Variants in CNTNAP2 observed in about 807,000 individuals in gnomAD.
CNTNAP2 encodes contactin-associated protein-like 2.
Under a neutral mutation model 155.2 loss-of-function variants are expected in CNTNAP2, and 98 were observed. The observed-to-expected ratio is 0.63, with a 90% confidence interval of 0.54 to 0.75. The LOEUF (loss-of-function observed/expected upper bound fraction) is 0.75. Among genes scored for constraint, CNTNAP2 ranks in the 30% least tolerant of loss-of-function variants. The pLI, the probability that CNTNAP2 is intolerant of heterozygous loss-of-function variation, is 0.00. For missense variants in CNTNAP2, 1,727 were observed against 1,688.1 expected (o/e 1.02, Z -0.40); for synonymous variants, 651 against 631.2 (o/e 1.03, Z -0.47).
chr7:146,317,438 G>GT (rs1434202255), intron 1 of CNTNAP2, among the ~76,000 whole-genome samples: 4 of 152,188 alleles, frequency 2.6e-5, no homozygotes, highest in Admixed American at 6.5e-5. Flanking sequence ...ACCTGAGAGT[G>GT]TTTTTTCCTT....
intron 18 of CNTNAP2, among the ~76,000 whole-genome samples, chr7:148,173,927 A>C (rs1794880921): frequency 6.6e-6 from 1 of 152,186 alleles, no homozygotes; most frequent in African/African-American, 2.4e-5. Flanking sequence ...ATTTTTGGAG[A>C]GTTAGGTTAA....
chr7:148,038,311 G>A (rs1457011371), intron 15 of CNTNAP2, among the ~76,000 whole-genome samples: 1 of 152,158 alleles, frequency 6.6e-6, no homozygotes, highest in East Asian at 1.9e-4. Flanking sequence ...CTTGAACGCT[G>A]TATGCATTTC....
At chr7:146,602,744 G>T (rs998029553) in intron 1 of CNTNAP2, among the ~76,000 whole-genome samples, 1 of 152,136 alleles carries the variant, frequency 6.6e-6, no homozygotes, top group African/African-American at 2.4e-5. Flanking sequence ...GTTGTGCTAG[G>T]AGTCTCCTTC....
chr7:148,179,774 G>A (rs4236490), intron 18 of CNTNAP2, among the ~76,000 whole-genome samples: 56,662 of 151,750 alleles, frequency 0.37, 11,413 homozygotes, highest in East Asian at 0.45. Context: ...CAGAGAAAGA[G>A]AAGAAAAGAA....
chr7:147,716,874 T>C (rs1338007991), intron 13 of CNTNAP2, among the ~76,000 whole-genome samples: 1 of 152,170 alleles, frequency 6.6e-6, no homozygotes, highest in South Asian at 2.1e-4. Flanking sequence ...ATTTTTTAGA[T>C]ATCAAAGTAG....
At chr7:148,247,678 G>C (rs1796296771) in intron 20 of CNTNAP2, among the ~76,000 whole-genome samples, 1 of 137,824 alleles carries the variant, frequency 7.3e-6, no homozygotes, top group Non-Finnish European at 1.6e-5. Flanking sequence ...TTTGGAGATA[G>C]AGTCCCACTC....
intron 1 of CNTNAP2, among the ~76,000 whole-genome samples, chr7:146,762,443 A>G (rs1209658211): frequency 6.6e-6 from 1 of 152,054 alleles, no homozygotes; most frequent in African/African-American, 2.4e-5. Context: ...TACTAAGAAT[A>G]CAAAAATTAG....
intron 13 of CNTNAP2, among the ~76,000 whole-genome samples, chr7:147,642,299 C>T (rs62480721): frequency 1.3e-5 from 2 of 152,068 alleles, no homozygotes; most frequent in Non-Finnish European, 2.9e-5. Context: ...TTGTATTAAA[C>T]TCCAAAGTCA....
At chr7:146,981,415 C>T (rs1798014704) in intron 3 of CNTNAP2, among the ~76,000 whole-genome samples, 3 of 152,104 alleles carry the variant, frequency 2.0e-5, no homozygotes, top group African/African-American at 4.8e-5. Context: ...TACATTTTGC[C>T]ATTTTCAGAA....
At chr7:147,861,751 C>T (rs1312470003) in intron 13 of CNTNAP2, among the ~76,000 whole-genome samples, 1 of 152,090 alleles carries the variant, frequency 6.6e-6, no homozygotes, top group Non-Finnish European at 1.5e-5. Context: ...TGTGGTGGCT[C>T]ATGGCTGTAA....
chr7:146,829,540 A>G (rs1416963051), intron 2 of CNTNAP2, among the ~76,000 whole-genome samples: 1 of 152,146 alleles, frequency 6.6e-6, no homozygotes, highest in Non-Finnish European at 1.5e-5. Context: ...AGACAAATGC[A>G]ACTGACAATG....
intron 2 of CNTNAP2, among the ~76,000 whole-genome samples, chr7:146,826,063 G>C (rs1803394303): frequency 6.6e-6 from 1 of 151,974 alleles, no homozygotes; most frequent in Non-Finnish European, 1.5e-5. Context: ...TTAGAGCTGA[G>C]CCTCTGCCCC....
intron 1 of CNTNAP2, among the ~76,000 whole-genome samples, chr7:146,695,826 A>C (rs1374044485): frequency 1.3e-5 from 2 of 152,194 alleles, no homozygotes; most frequent in Non-Finnish European, 2.9e-5. Context: ...TAATTAACAT[A>C]TATATTACCT....
intron 19 of CNTNAP2, 84 bp downstream of exon 19, chr7:148,217,608 TTTG>T: frequency 6.9e-7 from 1 of 1,452,790 alleles, no homozygotes; most frequent in Non-Finnish European, 9.7e-7. Context: ...TTGTTCTTGG[TTTG>T]TTATTTATTC....
chr7:147,716,724 A>C (rs1380011823), intron 13 of CNTNAP2, among the ~76,000 whole-genome samples: 1 of 152,130 alleles, frequency 6.6e-6, no homozygotes. Context: ...TGTCAGGAAA[A>C]GAATAATTTC....
At chr7:147,290,417 C>T (rs973939275) in intron 8 of CNTNAP2, among the ~76,000 whole-genome samples, 3 of 152,194 alleles carry the variant, frequency 2.0e-5, no homozygotes, top group African/African-American at 4.8e-5. Flanking sequence ...TGCAGTGGCT[C>T]ACTCCTGTAA....
chr7:147,594,524 C>G (rs1254973885), intron 12 of CNTNAP2, among the ~76,000 whole-genome samples: 1 of 152,176 alleles, frequency 6.6e-6, no homozygotes, highest in Non-Finnish European at 1.5e-5. Flanking sequence ...ATAAAGATTT[C>G]TAAGTCATGC....
chr7:147,366,120 A>G (rs1335627006), intron 9 of CNTNAP2, among the ~76,000 whole-genome samples: 2 of 152,210 alleles, frequency 1.3e-5, no homozygotes, highest in Admixed American at 6.5e-5. Context: ...ATAGCATAAT[A>G]GTCTTAAGGC....
At chr7:146,118,441 A>G (rs1211073244) in intron 1 of CNTNAP2, among the ~76,000 whole-genome samples, 1 of 152,182 alleles carries the variant, frequency 6.6e-6, no homozygotes, top group East Asian at 1.9e-4. Flanking sequence ...ATGTAACTCT[A>G]TCACTGGGAA....
Sources: gnomAD v4.1 joint callset for allele counts (sites outside exome capture counted in the v4.1 genomes callset) on GRCh38, gnomAD v4.1.1 for gene constraint, MANE v1.5 for transcripts, NCBI Gene and HGNC (gene_info 2026-07-23, HGNC 2026-07-21) for gene names.